The following LIN7A variants were observed in gnomAD, a reference collection of about 807,000 sequenced individuals.
The protein encoded by LIN7A is lin-7 cell polarity scaffold A.
Under a neutral mutation model 29.8 loss-of-function variants are expected in LIN7A, and 25 were observed. The ratio of observed to expected loss-of-function variants is 0.84; its 90% CI spans 0.61 to 1.17. The LOEUF is 1.17. Ranked by LOEUF, LIN7A falls within the 50% of genes most tolerant of loss-of-function variation. LIN7A has a pLI of 0.00. For missense variants in LIN7A, 239 were observed against 287.0 expected (o/e 0.83, Z 1.21); for synonymous variants, 118 against 107.5 (o/e 1.10, Z -0.60).
At position 80,797,421 on chromosome 12, in the gene LIN7A, A is replaced by G. The variant is rs1870501477; in HGVS notation, c.*306T>C. ...GGCCCTGGTGATTTATTTAAAAGTC[A>G]TAGACTTTATTCTTCTTACACTGTT... is the stretch of plus-strand genomic sequence containing the variant. On this transcript the variant is annotated 3_prime_UTR_variant, in exon 6 of 6. Coordinates refer to ENST00000552864, the MANE Select transcript of LIN7A (RefSeq NM_004664.4). The G allele has an allele frequency of 6.6e-6, 1 of 152,654 alleles. No homozygotes were observed. Among genetic ancestry groups the G allele is most frequent in the African/African-American group, 2.4e-5 (1 of 41,450 alleles). The allele number at this position is 152,654 out of a possible 1,614,324, so 9.5% of individuals were successfully genotyped here.
At chr12:80,803,752 T>C (rs917680228) in intron 5 of LIN7A, among the ~76,000 whole-genome samples, 1 of 152,190 alleles carries the variant, frequency 6.6e-6, no homozygotes, top group African/African-American at 2.4e-5. Flanking sequence ...GCTACTATAT[T>C]TGTGGTAATT....
rs1204775072 is a variant in LIN7A at position 80,867,301 on chromosome 12, C to T, written c.202-18979G>A. ...TTGTCAGAAAGTCACCCTTGGACTT[C>T]CACTCATGCCCCATTGGCTGGATCA... On this transcript the variant is annotated intron_variant, in intron 2 of 5. Coordinates refer to ENST00000552864, the MANE Select transcript of LIN7A (RefSeq NM_004664.4). 2.0e-5 allele frequency among the ~76,000 whole-genome samples: 3 copies of T among 152,134 alleles called. No individual in the cohort carries two copies. The East Asian group carries it at 5.8e-4, about 29-fold the overall frequency.
intron 4 of LIN7A, among the ~76,000 whole-genome samples, chr12:80,824,931 G>A (rs912183779): frequency 1.3e-5 from 2 of 152,144 alleles, no homozygotes; most frequent in African/African-American, 2.4e-5. Context: ...AAAGTAGAAA[G>A]CATTTCCTCT....
At chr12:80,907,069 G>C (rs971897491) in intron 1 of LIN7A, among the ~76,000 whole-genome samples, 3 of 146,472 alleles carry the variant, frequency 2.0e-5, no homozygotes, top group Non-Finnish European at 4.6e-5. Flanking sequence ...GTGTGTGTGT[G>C]TGTGTGTGTG....
At chr12:80,842,295 T>C (rs1485941517) in intron 4 of LIN7A, among the ~76,000 whole-genome samples, 2 of 152,164 alleles carry the variant, frequency 1.3e-5, no homozygotes, top group African/African-American at 4.8e-5. Flanking sequence ...AATTATTCCA[T>C]GGACATTTAA....
chr12:80,851,183 G>A (rs906030197), intron 2 of LIN7A, among the ~76,000 whole-genome samples: 3 of 152,068 alleles, frequency 2.0e-5, no homozygotes, highest in Admixed American at 6.6e-5. Context: ...TTGAATAAAG[G>A]AATCTAGGTT....
At chr12:80,866,318 A>T (rs1874132647) in intron 2 of LIN7A, among the ~76,000 whole-genome samples, 3 of 152,206 alleles carry the variant, frequency 2.0e-5, no homozygotes, top group Admixed American at 1.3e-4. Flanking sequence ...GTTCAAACTG[A>T]TCTCTAAGTA....
chr12:80,918,149 G>T (rs34959245), intron 1 of LIN7A, among the ~76,000 whole-genome samples: 265 of 152,136 alleles, frequency 1.7e-3, no homozygotes, highest in Non-Finnish European at 2.8e-3. Context: ...CCAAACTCAA[G>T]TGATCCTCCC....
intron 2 of LIN7A, among the ~76,000 whole-genome samples, chr12:80,879,595 T>C (rs1874912107): frequency 7.5e-6 from 1 of 133,372 alleles, no homozygotes; most frequent in Admixed American, 9.3e-5. Flanking sequence ...TTTAGGCTAC[T>C]CTGGAACACT....
At chr12:80,840,031 T>A (rs1272936766) in intron 4 of LIN7A, among the ~76,000 whole-genome samples, 1 of 152,120 alleles carries the variant, frequency 6.6e-6, no homozygotes. Context: ...TATGCCATAT[T>A]TTTTTTAAGT....
intron 4 of LIN7A, among the ~76,000 whole-genome samples, chr12:80,823,285 G>A (rs1340254362): frequency 1.3e-5 from 2 of 152,278 alleles, no homozygotes; most frequent in East Asian, 1.9e-4. Flanking sequence ...GAGGAGCTAC[G>A]GCCTTTTGGG....
At chr12:80,848,085 A>G (rs1873160210) in intron 3 of LIN7A, 166 bp downstream of exon 3, 2 of 695,700 alleles carry the variant, frequency 2.9e-6, no homozygotes, top group African/African-American at 1.8e-5. Context: ...TCAATTTTCC[A>G]TTAGGATTTT....
chr12:80,831,184 G>A (rs1334342763), intron 4 of LIN7A, among the ~76,000 whole-genome samples: 2 of 152,006 alleles, frequency 1.3e-5, no homozygotes, highest in African/African-American at 4.8e-5. Context: ...TATTGAAACT[G>A]GCCAAGCAAT....
At chr12:80,807,083 T>TGTTTTTTG (rs1871067479) in intron 5 of LIN7A, among the ~76,000 whole-genome samples, 1 of 137,206 alleles carries the variant, frequency 7.3e-6, no homozygotes, top group Non-Finnish European at 1.6e-5. Context: ...TTTTTTTTTT[T>TGTTTTTTG]TTTTTTTTGA....
chr12:80,928,852 A>G (rs1178685054), intron 1 of LIN7A, among the ~76,000 whole-genome samples: 2 of 152,120 alleles, frequency 1.3e-5, no homozygotes, highest in East Asian at 1.9e-4. Context: ...TCTTTAATCC[A>G]TCTTGAGTTA....
intron 4 of LIN7A, among the ~76,000 whole-genome samples, chr12:80,831,167 G>A (rs1053741678): frequency 1.1e-4 from 17 of 152,130 alleles, no homozygotes; most frequent in Non-Finnish European, 2.4e-4. Context: ...GTGACTGAGT[G>A]AATGACTATT....
intron 4 of LIN7A, among the ~76,000 whole-genome samples, chr12:80,820,630 T>TACACACACACACACACACACACAC (rs3072333): frequency 8.3e-4 from 123 of 147,504 alleles, no homozygotes; most frequent in African/African-American, 2.7e-3. Flanking sequence ...GAAGATTAAA[T>TACACACACACACACACACACACAC]ACACACACAC....
chr12:80,833,260 G>A (rs1259038265), intron 4 of LIN7A, among the ~76,000 whole-genome samples: 1 of 152,168 alleles, frequency 6.6e-6, no homozygotes, highest in Non-Finnish European at 1.5e-5. Context: ...TTTCTGCTGT[G>A]TCAACAAGAG....
intron 5 of LIN7A, among the ~76,000 whole-genome samples, chr12:80,799,369 G>T (rs1489261059): frequency 1.3e-5 from 2 of 152,130 alleles, no homozygotes; most frequent in African/African-American, 4.8e-5. Flanking sequence ...AGGCAGAATA[G>T]TGCCTCCTCG....
Sources: gnomAD v4.1 joint callset for allele counts (sites outside exome capture counted in the v4.1 genomes callset) on GRCh38, gnomAD v4.1.1 for gene constraint, MANE v1.5 for transcripts, NCBI Gene and HGNC (gene_info 2026-07-23, HGNC 2026-07-21) for gene names.